FARP2: variants seen among roughly 807,000 people sequenced by gnomAD.
FARP2 encodes FERM, ARH/RhoGEF and pleckstrin domain protein 2.
In FARP2, 111 loss-of-function variants were observed where a neutral mutation model predicts 130.5. The observed-to-expected ratio is 0.85, with a 90% CI of 0.73 to 1.00. The LOEUF (loss-of-function observed/expected upper bound fraction) is 1.00, where lower values mean the gene tolerates loss of function less well. Among genes scored for constraint, FARP2 ranks in the 50% least tolerant of loss-of-function variants. The probability of loss-of-function intolerance (pLI) is 0.00; values close to 1 mark genes in which losing one functional copy is unlikely to be tolerated. For missense variants in FARP2, 1,385 were observed against 1,346.3 expected (o/e 1.03, Z -0.45); for synonymous variants, 504 against 516.9 (o/e 0.98, Z 0.34).
chr2:241,491,592 T>C lies in FARP2; in HGVS notation c.2700T>C (p.His900=). 1 of 1,613,876 alleles carries C rather than the reference T, an allele frequency of 6.2e-7. No homozygotes were observed. Among genetic ancestry groups the C allele is most frequent in the East Asian group, 2.2e-5 (1 of 44,884 alleles). The change falls in exon 24 of 27, where the codon CAT becomes CAC. Residue 900 remains histidine, a synonymous_variant. Coordinates refer to ENST00000264042, the MANE Select transcript of FARP2 (RefSeq NM_014808.4). ...GTGTCCGCAGCTCCCTGGAGGGGCA[T>C]GGCCAGCACCGGGCCAACACCACAA... The part of the protein sequence containing the change: ...ARGVRSSLEG[H]GQHRANTTMH...
intron 1 of FARP2, among the ~76,000 whole-genome samples, chr2:241,359,947 T>TA (rs2061149276): frequency 6.6e-6 from 1 of 152,186 alleles, no homozygotes; most frequent in Non-Finnish European, 1.5e-5. Context: ...ACGGTAGCTG[T>TA]TGTAATGTGT....
At chr2:241,453,776 T>G (rs1478280658) in intron 13 of FARP2, among the ~76,000 whole-genome samples, 52 of 78,992 alleles carry the variant, frequency 6.6e-4, no homozygotes, top group African/African-American at 2.3e-3. Flanking sequence ...CTGGTTTTTT[T>G]TTTTTTTTTT....
intron 1 of FARP2, among the ~76,000 whole-genome samples, chr2:241,359,565 C>T (rs190628294): frequency 2.0e-5 from 3 of 152,340 alleles, no homozygotes; most frequent in Non-Finnish European, 4.4e-5. Flanking sequence ...TGCCTGTGCA[C>T]ACACTATGTC....
chr2:241,415,564 C>T (rs16842449), intron 7 of FARP2, among the ~76,000 whole-genome samples: 24,766 of 152,040 alleles, frequency 0.16, 2,382 homozygotes, highest in East Asian at 0.38. Context: ...GTAGGCTGGG[C>T]TAACCTGTGC....
intron 21 of FARP2, 107 bp downstream of exon 21, chr2:241,484,438 C>A: frequency 1.2e-6 from 1 of 869,374 alleles, no homozygotes; most frequent in Non-Finnish European, 1.9e-6. Context: ...CTGAGAGCAG[C>A]ACCTGCTGAG....
intron 12 of FARP2, among the ~76,000 whole-genome samples, chr2:241,439,053 G>T (rs1190396725): frequency 6.6e-6 from 1 of 151,558 alleles, no homozygotes; most frequent in Non-Finnish European, 1.5e-5. Flanking sequence ...TGGAGACAGG[G>T]TCTCACTCTA....
intron 8 of FARP2, 51 bp from the exon 9 acceptor site, chr2:241,431,628 A>AG: frequency 1.1e-6 from 1 of 896,606 alleles, no homozygotes; most frequent in Non-Finnish European, 1.9e-6. Context: ...TTCATGAGAA[A>AG]GGGGTTATGT....
chr2:241,376,893 G>C (rs1167899690), intron 2 of FARP2, among the ~76,000 whole-genome samples: 1 of 152,198 alleles, frequency 6.6e-6, no homozygotes, highest in Non-Finnish European at 1.5e-5. Flanking sequence ...GCAAGTTCTG[G>C]GAAGGAAAGG....
rs2124881961 is a variant in FARP2 at position 241,482,179 on chromosome 2, C to A, written c.2263-1286C>A. Among the ~76,000 whole-genome samples the A allele has an allele frequency of 6.6e-6, 1 of 152,306 alleles. No individual in the cohort carries two copies. Among genetic ancestry groups the A allele is most frequent in the South Asian group, 2.1e-4 (1 of 4,824 alleles). ...GTGAAGTGTCAGGGAGGTGGCAGAACTGTGAGCCACAGTTACTACCCTAGG... is the reference window on the plus strand; with the variant it reads ...GTGAAGTGTCAGGGAGGTGGCAGAAATGTGAGCCACAGTTACTACCCTAGG... On this transcript the variant is annotated intron_variant, in intron 19 of 26. Coordinates refer to ENST00000264042, the MANE Select transcript of FARP2 (RefSeq NM_014808.4). This position sits in a 1 kb window ranked among gnomAD's most constrained non-coding sequence, Gnocchi z 4.6.
At chr2:241,395,199 C>T (rs1230385315) in intron 2 of FARP2, among the ~76,000 whole-genome samples, 3 of 152,204 alleles carry the variant, frequency 2.0e-5, no homozygotes, top group Non-Finnish European at 2.9e-5. Flanking sequence ...TTGTGATCAA[C>T]TCAGGAGCCA....
chr2:241,470,027 T>C (rs781021436), intron 18 of FARP2, among the ~76,000 whole-genome samples: 25 of 152,194 alleles, frequency 1.6e-4, no homozygotes, highest in Non-Finnish European at 2.9e-4. Flanking sequence ...CATTCTCAGC[T>C]GACACTATGG....
chr2:241,444,162 G>A (rs1001953545), intron 13 of FARP2: 2 of 146,640 alleles, frequency 1.4e-5, no homozygotes, highest in African/African-American at 4.9e-5. Flanking sequence ...ATTTAGACCT[G>A]CCTTCTTGAT....
chr2:241,427,912 G>A (rs541695833), intron 8 of FARP2, among the ~76,000 whole-genome samples: 20 of 152,056 alleles, frequency 1.3e-4, no homozygotes, highest in Middle Eastern at 3.4e-3. Flanking sequence ...ACTTAGAGGC[G>A]CCTGCCACCA....
intron 18 of FARP2, among the ~76,000 whole-genome samples, chr2:241,473,166 G>A (rs1255076220): frequency 2.0e-5 from 3 of 150,824 alleles, no homozygotes; most frequent in African/African-American, 7.3e-5. Flanking sequence ...TTCTGTGGGG[G>A]ATTCTGTTCT....
intron 19 of FARP2, among the ~76,000 whole-genome samples, chr2:241,479,186 C>T (rs1246816923): frequency 1.3e-5 from 2 of 152,148 alleles, no homozygotes; most frequent in African/African-American, 4.8e-5. Context: ...CAGGTGTCCC[C>T]AAGGGGAGGA....
chr2:241,477,991 A>G (rs1190029574), intron 19 of FARP2: 1 of 152,360 alleles, frequency 6.6e-6, no homozygotes, highest in Non-Finnish European at 1.5e-5. Flanking sequence ...TGAATGCTAG[A>G]CCTTTATCAG....
intron 13 of FARP2, among the ~76,000 whole-genome samples, chr2:241,449,982 G>C (rs1417841797): frequency 6.6e-6 from 1 of 151,614 alleles, no homozygotes; most frequent in African/African-American, 2.4e-5. Context: ...ACTCCAGCCT[G>C]GGTGACAGTG....
chr2:241,460,557 C>T (rs2063986346), intron 14 of FARP2, among the ~76,000 whole-genome samples: 1 of 152,146 alleles, frequency 6.6e-6, no homozygotes, highest in South Asian at 2.1e-4. Flanking sequence ...GAATTAGAGT[C>T]ATGAGCCACC....
chr2:241,417,109 C>T (rs527504517), intron 7 of FARP2, among the ~76,000 whole-genome samples: 11 of 151,954 alleles, frequency 7.2e-5, no homozygotes, highest in East Asian at 5.8e-4. Context: ...GAGACCAGCC[C>T]GGCCAACATG....
Sources: gnomAD v4.1 joint callset for allele counts (sites outside exome capture counted in the v4.1 genomes callset) on GRCh38, gnomAD v4.1.1 for gene constraint, Gnocchi (gnomAD v3.1) non-coding constraint, MANE v1.5 for transcripts, NCBI Gene and HGNC (gene_info 2026-07-23, HGNC 2026-07-21) for gene names.